The following LAMA4 variants were observed in gnomAD, a reference collection of about 807,000 sequenced individuals.
LAMA4 encodes the protein laminin subunit alpha 4, also known as laminin subunit alpha-4.
In LAMA4, 127 loss-of-function variants were observed where a neutral mutation model predicts 207.1. That is an observed-to-expected ratio of 0.61 (90% CI 0.53 to 0.71). LAMA4 has a LOEUF of 0.71. LAMA4 is among the 30% of genes least tolerant of loss of function. The pLI, the probability that LAMA4 is intolerant of heterozygous loss-of-function variation, is 0.00. For synonymous variants in LAMA4, 761 were observed against 816.0 expected, an observed-to-expected ratio of 0.93 and a Z score of 1.15; for missense variants, 2,093 against 2,246.5, an observed-to-expected ratio of 0.93 and a Z score of 1.38.
intron 12 of LAMA4, 129 bp downstream of exon 12, chr6:112,172,482 C>A: frequency 1.2e-6 from 1 of 846,954 alleles, no homozygotes; most frequent in Non-Finnish European, 1.9e-6. Flanking sequence ...CCAAAAAACA[C>A]ACCAATATTT....
chr6:112,225,958 C>G (rs1303139474), intron 2 of LAMA4, among the ~76,000 whole-genome samples: 1 of 152,128 alleles, frequency 6.6e-6, no homozygotes, highest in Non-Finnish European at 1.5e-5. Flanking sequence ...ATAATGCATG[C>G]CCTTGCGTCC....
At chr6:112,150,442 C>A in intron 17 of LAMA4, 69 bp downstream of exon 17, 1 of 947,698 alleles carries the variant, frequency 1.1e-6, no homozygotes, top group Non-Finnish European at 1.8e-6. Context: ...TTACCTAATC[C>A]TTCCTTGAAG....
At chr6:112,249,629 T>C (rs1787284029) in intron 2 of LAMA4, among the ~76,000 whole-genome samples, 2 of 152,090 alleles carry the variant, frequency 1.3e-5, no homozygotes, top group African/African-American at 4.8e-5. Flanking sequence ...TGCCTCGGTT[T>C]CTATGTGTAT....
Position 112,187,603 on chromosome 6 carries a change from T to G in LAMA4, c.815-2A>C, listed in dbSNP as rs782687805. ...GGTCCCAGACGCACTTATCACAGCC[T>G]GGAGGTGAAACATTTCTTCAGAATC... On this transcript the variant is annotated splice_acceptor_variant, in intron 7 of 38. Transcript: ENST00000230538. LOFTEE classifies it high-confidence loss of function. The G allele has an allele frequency of 5.0e-6, 8 of 1,613,566 alleles. No homozygotes were observed. The East Asian group carries it at 1.8e-4, about 36-fold the overall frequency.
intron 4 of LAMA4, among the ~76,000 whole-genome samples, chr6:112,205,535 G>C (rs781791781): frequency 1.3e-5 from 2 of 152,124 alleles, no homozygotes; most frequent in Admixed American, 6.6e-5. Flanking sequence ...TATGAACCTA[G>C]ATTGGCTACT....
At chr6:112,194,663 C>A (rs1394889784) in intron 5 of LAMA4, among the ~76,000 whole-genome samples, 1 of 152,136 alleles carries the variant, frequency 6.6e-6, no homozygotes, top group Non-Finnish European at 1.5e-5. Context: ...CTGTGGGACT[C>A]CAGGCTTAAT....
chr6:112,136,951 A>C (rs868966165), intron 24 of LAMA4, among the ~76,000 whole-genome samples: 3 of 152,170 alleles, frequency 2.0e-5, no homozygotes, highest in Non-Finnish European at 4.4e-5. Context: ...ATGTGTCTGC[A>C]TTTATTTTAG....
intron 3 of LAMA4, among the ~76,000 whole-genome samples, chr6:112,213,078 A>G (rs1583907899): frequency 6.6e-6 from 1 of 152,246 alleles, no homozygotes; most frequent in Non-Finnish European, 1.5e-5. Context: ...CTGGAAGTTC[A>G]TCTGGGTGAA....
chr6:112,145,611 C>G (rs1554334378), intron 18 of LAMA4, among the ~76,000 whole-genome samples: 2 of 152,194 alleles, frequency 1.3e-5, no homozygotes, highest in Non-Finnish European at 2.9e-5. Context: ...TATATTTCAC[C>G]TGTCTACATC....
intron 2 of LAMA4, among the ~76,000 whole-genome samples, chr6:112,225,465 A>G (rs1583943342): frequency 6.6e-6 from 1 of 152,358 alleles, no homozygotes; most frequent in African/African-American, 2.4e-5. Flanking sequence ...CAAGGATCAG[A>G]GGATGGTTTG....
At position 112,171,134 on chromosome 6, in the gene LAMA4, G is replaced by A. The variant is rs75265825; in HGVS notation, c.1551+1477C>T. On this transcript the variant is annotated intron_variant, in intron 12 of 38. Coordinates refer to ENST00000230538, the MANE Select transcript of LAMA4 (RefSeq NM_001105206.3). Reference sequence around the variant, plus strand: ...TGGTACACATATATAAGGCAGAACCGTGATGAAACCACACCTTACTATATA... The same window carrying A: ...TGGTACACATATATAAGGCAGAACCATGATGAAACCACACCTTACTATATA... Among the ~76,000 whole-genome samples, 129 of 152,130 alleles carry A rather than the reference G, an allele frequency of 8.5e-4. 1 individual carries two copies. The East Asian group carries it at 0.017, about 20-fold the overall frequency.
chr6:112,253,718 T>A (rs1055157674), intron 2 of LAMA4: 2 of 1,602,100 alleles, frequency 1.2e-6, no homozygotes, highest in Non-Finnish European at 1.7e-6. Flanking sequence ...CACCAACACA[T>A]GCACTCTCAC....
At chr6:112,120,531 A>T in intron 32 of LAMA4, 59 bp from the exon 33 acceptor site, 2 of 1,310,852 alleles carry the variant, frequency 1.5e-6, no homozygotes, top group Non-Finnish European at 2.2e-6. Flanking sequence ...ATAATCTCTA[A>T]CTTCTTAAAA....
Position 112,109,229 on chromosome 6 carries a change from ATTG to A in LAMA4, c.*205_*207del, listed in dbSNP as rs1319829488. The A allele has an allele frequency of 1.6e-6, 1 of 607,318 alleles. No individual in the cohort carries two copies. The highest frequency in any genetic ancestry group is 2.9e-5 in the East Asian group (1 of 34,560). The allele number at this position is 607,318 out of a possible 1,614,324, so 37.6% of individuals were successfully genotyped here. ...TACAAGTAAGTTTGCCACTCCTTCAATTGTTGTCCATTGCAGACACTTTGGATT... is the reference window on the plus strand; with the variant it reads ...TACAAGTAAGTTTGCCACTCCTTCAATTGTCCATTGCAGACACTTTGGATT... On this transcript the variant is annotated 3_prime_UTR_variant, in exon 39 of 39. Coordinates refer to ENST00000230538, the MANE Select transcript of LAMA4 (RefSeq NM_001105206.3).
chr6:112,160,558 C>A (rs1780994876), intron 13 of LAMA4, among the ~76,000 whole-genome samples: 1 of 152,204 alleles, frequency 6.6e-6, no homozygotes, highest in Non-Finnish European at 1.5e-5. Context: ...CCAAGATCAC[C>A]AACACCTGGC....
intron 2 of LAMA4, among the ~76,000 whole-genome samples, chr6:112,238,598 T>A (rs997246956): frequency 2.0e-5 from 3 of 152,020 alleles, no homozygotes; most frequent in Non-Finnish European, 4.4e-5. Context: ...TCCCAGCTAC[T>A]CCAGAGGCTG....
At chr6:112,196,319 C>G (rs1337509419) in intron 5 of LAMA4, 2 of 144,418 alleles carry the variant, frequency 1.4e-5, no homozygotes, top group African/African-American at 2.8e-5. Flanking sequence ...ATTTCCCTAT[C>G]CTTCCCCCAT....
chr6:112,220,942 T>C (rs1784890168), intron 2 of LAMA4, among the ~76,000 whole-genome samples: 1 of 152,140 alleles, frequency 6.6e-6, no homozygotes, highest in African/African-American at 2.4e-5. Flanking sequence ...AGCTAATTAA[T>C]TGCCCACAAG....
chr6:112,116,474 A>C (rs1294288728), intron 35 of LAMA4, among the ~76,000 whole-genome samples: 4 of 152,216 alleles, frequency 2.6e-5, no homozygotes, highest in Non-Finnish European at 5.9e-5. Flanking sequence ...GAAGTATGGA[A>C]GTTAGGCTTT....
Sources: allele counts gnomAD v4.1 joint callset (sites outside exome capture counted in the v4.1 genomes callset), GRCh38; gene constraint gnomAD v4.1.1; transcripts MANE v1.5; gene names NCBI Gene and HGNC (gene_info 2026-07-23, HGNC 2026-07-21).